ATP8A2: variants seen among roughly 807,000 people sequenced by gnomAD.
ATP8A2 encodes the protein ATPase phospholipid transporting 8A2.
Under a neutral mutation model 165.6 loss-of-function variants are expected in ATP8A2, and 100 were observed. That is an observed-to-expected ratio of 0.60 (90% CI 0.51 to 0.71). The LOEUF (loss-of-function observed/expected upper bound fraction) is 0.71. Among genes scored for constraint, ATP8A2 ranks in the 30% least tolerant of loss-of-function variants. The probability of loss-of-function intolerance (pLI) is 0.00; values close to 1 mark genes in which losing one functional copy is unlikely to be tolerated. For synonymous variants in ATP8A2, 543 were observed against 548.8 expected (o/e 0.99, Z 0.15); for missense variants, 1,227 against 1,479.5 (o/e 0.83, Z 2.80).
intron 2 of ATP8A2, among the ~76,000 whole-genome samples, chr13:25,510,705 A>G (rs992441886): frequency 2.6e-5 from 4 of 152,202 alleles, no homozygotes; most frequent in Non-Finnish European, 5.9e-5. Context: ...AGATATGAGT[A>G]GTTACTAGCT....
At chr13:25,417,153 T>C (rs2034155214) in intron 1 of ATP8A2, among the ~76,000 whole-genome samples, 1 of 152,134 alleles carries the variant, frequency 6.6e-6, no homozygotes, top group Non-Finnish European at 1.5e-5. Context: ...GAGACCTTCT[T>C]TTGTCCCCAG....
chr13:25,467,692 C>T (rs1476004417), intron 1 of ATP8A2, among the ~76,000 whole-genome samples: 1 of 152,136 alleles, frequency 6.6e-6, no homozygotes, highest in Non-Finnish European at 1.5e-5. Flanking sequence ...GCTGGGCCTA[C>T]AGGCGCCCTC....
At chr13:25,971,157 C>T (rs1384324922) in intron 35 of ATP8A2, among the ~76,000 whole-genome samples, 3 of 152,010 alleles carry the variant, frequency 2.0e-5, no homozygotes, top group African/African-American at 7.2e-5. Context: ...GGCTCTGCCG[C>T]TCATCCTCCT....
chr13:25,581,826 T>G lies in ATP8A2; in HGVS notation c.2015T>G (p.Leu672Arg). ...ECYEIIEKNL[L>R]LLGATAIEDR... ...GATATTTTTTCAATGTAGAATTTGC[T>G]GCTACTTGGAGCCACAGCCATAGAA... The change falls in exon 23 of 37, where the codon CTG becomes CGG. Residue 672 changes from leucine to arginine, a missense_variant. Coordinates refer to ENST00000381655, the MANE Select transcript of ATP8A2 (RefSeq NM_016529.6). 6 of 1,614,006 alleles carry G rather than the reference T, an allele frequency of 3.7e-6. No homozygotes were observed. Among genetic ancestry groups the G allele is most frequent in the Non-Finnish European group, 4.2e-6 (5 of 1,179,902 alleles).
chr13:25,844,980 A>G (rs929112966), intron 30 of ATP8A2, among the ~76,000 whole-genome samples: 2 of 152,164 alleles, frequency 1.3e-5, no homozygotes, highest in Non-Finnish European at 2.9e-5. Flanking sequence ...TGCTTCCAAG[A>G]ATTTTGCTTT....
chr13:25,533,513 T>C (rs1266875255), intron 6 of ATP8A2, among the ~76,000 whole-genome samples, 200 bp downstream of exon 6: 1 of 152,240 alleles, frequency 6.6e-6, no homozygotes, highest in East Asian at 1.9e-4. Context: ...ATGAACTTCA[T>C]CGCTCCTGAG....
intron 25 of ATP8A2, among the ~76,000 whole-genome samples, chr13:25,729,491 T>C (rs536961431): frequency 1.3e-5 from 2 of 152,216 alleles, no homozygotes; most frequent in Non-Finnish European, 2.9e-5. Context: ...TTTAAAGAAG[T>C]TGAATGTCCA....
At chr13:25,444,552 T>A (rs1205112951) in intron 1 of ATP8A2, among the ~76,000 whole-genome samples, 1 of 152,212 alleles carries the variant, frequency 6.6e-6, no homozygotes, top group Non-Finnish European at 1.5e-5. Flanking sequence ...CTCTTCTTTT[T>A]AAACCATACT....
intron 24 of ATP8A2, among the ~76,000 whole-genome samples, chr13:25,628,096 G>C (rs2041148641): frequency 6.6e-6 from 1 of 152,098 alleles, no homozygotes; most frequent in Admixed American, 6.6e-5. Flanking sequence ...CTGTTTAATG[G>C]TGTCAGATGT....
At chr13:25,478,276 G>T (rs1474589087) in intron 2 of ATP8A2, among the ~76,000 whole-genome samples, 4 of 152,070 alleles carry the variant, frequency 2.6e-5, no homozygotes, top group Admixed American at 6.6e-5. Context: ...AAAGTAGACT[G>T]CTCTGTTTTT....
In ATP8A2 at chr13:25,775,518, A is replaced by G. The variant is rs9581443; in HGVS notation, c.2679+559A>G. 8.6e-3 allele frequency among the ~76,000 whole-genome samples: 1,306 copies of G among 152,306 alleles called. 18 individuals carry two copies. Among genetic ancestry groups the G allele is most frequent in the African/African-American group, 0.027 (1,139 of 41,556 alleles). On this transcript the variant is annotated intron_variant, in intron 27 of 36. Coordinates refer to ENST00000381655, the MANE Select transcript of ATP8A2 (RefSeq NM_016529.6). The stretch of plus-strand genomic sequence containing the variant: ...GGAGTAAAACAGCAAGGTCATTGAC[A>G]ATATTGCAGTGAGTTCATATTCTGT...
chr13:25,559,748 G>A lies in ATP8A2; in HGVS notation c.1380G>A (p.Pro460=), dbSNP rs144784188. 1.0e-3 allele frequency: 1,643 copies of A among 1,613,098 alleles called. 14 individuals are homozygous for A. In the African/African-American group the frequency reaches 0.019, roughly 19 times the overall value. The change falls in exon 15 of 37, where the codon CCG becomes CCA. Residue 460 remains proline, a synonymous_variant. Coordinates refer to ENST00000381655, the MANE Select transcript of ATP8A2 (RefSeq NM_016529.6). The part of the protein sequence containing the change: ...YGHFPELARE[P]SSDDFCRMPP... ...ACTTCCCAGAATTGGCAAGAGAGCC[G>A]TCTTCAGATGACTTCTGGTAAGTAG...
intron 2 of ATP8A2, among the ~76,000 whole-genome samples, chr13:25,497,720 G>A (rs2036721140): frequency 6.6e-6 from 1 of 152,062 alleles, no homozygotes; most frequent in Non-Finnish European, 1.5e-5. Context: ...ACTTTGGGAG[G>A]CCGAGGCAGG....
At chr13:25,441,949 T>C (rs1294148856) in intron 1 of ATP8A2, among the ~76,000 whole-genome samples, 1 of 152,182 alleles carries the variant, frequency 6.6e-6, no homozygotes, top group East Asian at 1.9e-4. Flanking sequence ...AGAATTCCAC[T>C]TTCTGTCTCT....
intron 24 of ATP8A2, among the ~76,000 whole-genome samples, chr13:25,648,056 G>A (rs760017520): frequency 5.3e-5 from 8 of 151,930 alleles, no homozygotes; most frequent in African/African-American, 9.7e-5. Flanking sequence ...GCTATTATGC[G>A]TAGGCCAGGT....
Position 26,020,277 on chromosome 13 carries a change from T to C in ATP8A2, c.*292T>C. On this transcript the variant is annotated 3_prime_UTR_variant, in exon 37 of 37. Coordinates refer to ENST00000381655, the MANE Select transcript of ATP8A2 (RefSeq NM_016529.6). ...CTGTGAGGTGTGAAATTAAAAACAT[T>C]ATGTTTCACCAATATTTAAACATCA... 2.6e-6 allele frequency: 1 copy of C among 391,064 alleles called. No homozygotes were observed. The highest frequency in any genetic ancestry group is 5.0e-5 in the East Asian group (1 of 20,046). 24.2% of individuals were successfully genotyped at this position (391,064 alleles called of 1,614,324 possible). A position where few individuals can be genotyped will look rare whatever the true frequency, so the allele number is the denominator to read the frequency against.
At chr13:25,918,255 A>T (rs951348736) in intron 33 of ATP8A2, among the ~76,000 whole-genome samples, 42 of 152,334 alleles carry the variant, frequency 2.8e-4, no homozygotes, top group African/African-American at 9.9e-4. Flanking sequence ...TTCCTGGGTG[A>T]TAGATAGGAG....
chr13:25,978,758 G>A (rs999194120), intron 35 of ATP8A2, among the ~76,000 whole-genome samples: 2 of 152,104 alleles, frequency 1.3e-5, no homozygotes, highest in African/African-American at 4.8e-5. Context: ...TGGCAAACAC[G>A]TTAAAACCCG....
At chr13:25,675,014 T>C (rs2042344379) in intron 24 of ATP8A2, among the ~76,000 whole-genome samples, 1 of 152,228 alleles carries the variant, frequency 6.6e-6, no homozygotes, top group African/African-American at 2.4e-5. Context: ...TCTGTTTTAA[T>C]GGGTGCATTC....
Sources: allele counts gnomAD v4.1 joint callset (sites outside exome capture counted in the v4.1 genomes callset), GRCh38; gene constraint gnomAD v4.1.1; transcripts MANE v1.5; gene names NCBI Gene and HGNC (gene_info 2026-07-23, HGNC 2026-07-21).